The following POLR1A variants were observed in gnomAD, a reference collection of about 807,000 sequenced individuals.
POLR1A encodes RNA polymerase I subunit A, also known as DNA-directed RNA polymerase I subunit RPA1.
In POLR1A, 84 loss-of-function variants were observed where a neutral mutation model predicts 205.3. The observed-to-expected ratio is 0.41, with a 90% confidence interval of 0.34 to 0.49. The LOEUF (loss-of-function observed/expected upper bound fraction) is 0.49, where lower values mean the gene tolerates loss of function less well. POLR1A is among the 20% of genes least tolerant of loss of function. The pLI, the probability that POLR1A is intolerant of heterozygous loss-of-function variation, is 0.22. For synonymous variants in POLR1A, 799 were observed against 863.7 expected, an observed-to-expected ratio of 0.93 and a Z score of 1.31; for missense variants, 1,645 against 2,204.5, an observed-to-expected ratio of 0.75 and a Z score of 5.08.
At position 86,052,964 on chromosome 2, in the gene POLR1A, G is replaced by A; in HGVS notation, c.2245C>T (p.Leu749=). 1 of 1,604,092 alleles carries A rather than the reference G, an allele frequency of 6.2e-7. No individual in the cohort carries two copies. Among genetic ancestry groups the A allele is most frequent in the African/African-American group, 1.3e-5 (1 of 74,438 alleles). Residue 749 remains leucine, a synonymous_variant, in exon 16 of 34, where the codon CTG becomes TTG. Transcript: ENST00000263857. Reference sequence around the variant, plus strand: ...GAGCTCCCATAGTGCGCCTTGTCCAGCACTCCGCAGAGCAGCTCCCCTTCC... The same window carrying A: ...GAGCTCCCATAGTGCGCCTTGTCCAACACTCCGCAGAGCAGCTCCCCTTCC... ...IREGELLCGV[L]DKAHYGSSAY...
At chr2:86,074,977 C>G in intron 12 of POLR1A, 53 bp downstream of exon 12, 1 of 1,284,778 alleles carries the variant, frequency 7.8e-7, no homozygotes. Flanking sequence ...CACCAATCAC[C>G]AGAATCCGAA....
intron 19 of POLR1A, among the ~76,000 whole-genome samples, chr2:86,046,077 G>A (rs1435314416): frequency 6.6e-6 from 1 of 152,158 alleles, no homozygotes; most frequent in East Asian, 1.9e-4. Context: ...GGTCCTGATG[G>A]GGAAAGAGAG....
At chr2:86,052,341 G>T (rs1007312068) in intron 16 of POLR1A, among the ~76,000 whole-genome samples, 9 of 152,218 alleles carry the variant, frequency 5.9e-5, no homozygotes, top group African/African-American at 1.7e-4. Flanking sequence ...GAATGGGGTT[G>T]TAAGAGTATG....
Position 86,088,593 on chromosome 2 carries a change from C to G in POLR1A, c.703G>C (p.Ala235Pro), listed in dbSNP as rs768380509. 1 of 1,614,000 alleles carries G rather than the reference C, an allele frequency of 6.2e-7. No individual in the cohort carries two copies. The highest frequency in any genetic ancestry group is 8.5e-7 in the Non-Finnish European group (1 of 1,179,820). The change falls in exon 6 of 34, where the codon GCT becomes CCT. Residue 235 changes from alanine to proline, a missense_variant. This residue lies in a region of POLR1A where 330 missense variants were observed against 375.6 expected (regional missense o/e 0.88). Coordinates refer to ENST00000263857, the MANE Select transcript of POLR1A (RefSeq NM_015425.6). The stretch of plus-strand genomic sequence containing the variant: ...AGGGGCTCAGAGTCCTTCTGGCCAG[C>G]TGTCCTGTGCACCATGGCTGGAAAC... ...ITFPAMVHRTAGQKDSEPLGI... is the reference protein window; with the variant it reads ...ITFPAMVHRTPGQKDSEPLGI...
chr2:86,097,064 T>A (rs1302876010), intron 3 of POLR1A, among the ~76,000 whole-genome samples: 1 of 151,714 alleles, frequency 6.6e-6, no homozygotes, highest in Non-Finnish European at 1.5e-5. Context: ...GCAAATGATC[T>A]GAACAAACAT....
chr2:86,037,255 C>A (rs1672517025), intron 27 of POLR1A, among the ~76,000 whole-genome samples: 1 of 152,280 alleles, frequency 6.6e-6, no homozygotes, highest in Non-Finnish European at 1.5e-5. Flanking sequence ...TCAGCCCAGG[C>A]TGGCACCAAC....
At position 86,033,779 on chromosome 2, in the gene POLR1A, T is replaced by A. The variant is rs1251881625; in HGVS notation, c.4043A>T (p.Lys1348Ile). 6 of 1,613,954 alleles carry A rather than the reference T, an allele frequency of 3.7e-6. No homozygotes were observed. Among genetic ancestry groups the A allele is most frequent in the Non-Finnish European group, 5.1e-6 (6 of 1,179,992 alleles). ...ILRFMETRFFKLLMESIKKKN... is the reference protein window; with the variant it reads ...ILRFMETRFFILLMESIKKKN... ...CTTTTTGATGGATTCCATCAGAAGT[T>A]TAAAGAATCTAAAACAAGAAGAAAG... is the stretch of plus-strand genomic sequence containing the variant. The change falls in exon 28 of 34, where the codon AAA becomes ATA. Residue 1348 changes from lysine (K) to isoleucine (I), a missense_variant. Lys to Ile is a moderately radical substitution (Grantham distance 102, BLOSUM62 -3). Around this residue, in one of 16 missense-constraint regions of POLR1A, gnomAD observed 394 missense variants for 468.5 expected, o/e 0.84. Coordinates refer to ENST00000263857, the MANE Select transcript of POLR1A (RefSeq NM_015425.6).
intron 14 of POLR1A, among the ~76,000 whole-genome samples, chr2:86,062,038 T>C (rs570030193): frequency 6.6e-6 from 1 of 152,138 alleles, no homozygotes; most frequent in African/African-American, 2.4e-5. Flanking sequence ...AAATAGAAAA[T>C]CAATCAAGAG....
chr2:86,028,526 C>T lies in POLR1A; in HGVS notation c.4897+68G>A. Reference sequence around the variant, plus strand: ...GCTGGACCGACACGGTCCTGACCCTCCTGCCGAGCCTTCTGGTGTCCTGGC... The same window carrying T: ...GCTGGACCGACACGGTCCTGACCCTTCTGCCGAGCCTTCTGGTGTCCTGGC... On this transcript the variant is annotated intron_variant, in intron 32 of 33. Coordinates refer to ENST00000263857, the MANE Select transcript of POLR1A (RefSeq NM_015425.6). This position sits in a 1 kb window ranked among gnomAD's most constrained non-coding sequence, Gnocchi z 4.5. 8.8e-7 allele frequency: 1 copy of T among 1,130,220 alleles called. No individual in the cohort carries two copies. Among genetic ancestry groups the T allele is most frequent in the Non-Finnish European group, 1.4e-6 (1 of 739,978 alleles). The allele number at this position is 1,130,220 out of a possible 1,614,324, so 70.0% of individuals were successfully genotyped here.
intron 18 of POLR1A, 80 bp downstream of exon 18, chr2:86,048,804 C>T: frequency 7.6e-7 from 1 of 1,309,922 alleles, no homozygotes. Context: ...CTGTAGGGCC[C>T]AGGTGAGAAT....
rs143971936 is a variant in POLR1A, at chr2:86,065,905, C to A, written c.1867-440G>T. 2.0e-5 allele frequency among the ~76,000 whole-genome samples: 3 copies of A among 152,246 alleles called. No individual in the cohort carries two copies. The East Asian group carries it at 5.8e-4, about 29-fold the overall frequency. ...TTCTGTAAATCAGTCATGCACTCAACAAATATTTATCAGGAGCCTCCTGAA... is the reference window on the plus strand; with the variant it reads ...TTCTGTAAATCAGTCATGCACTCAAAAAATATTTATCAGGAGCCTCCTGAA... On this transcript the variant is annotated intron_variant, in intron 13 of 33. Coordinates refer to ENST00000263857, the MANE Select transcript of POLR1A (RefSeq NM_015425.6).
chr2:86,062,009 TGA>T (rs1219513629), intron 14 of POLR1A, among the ~76,000 whole-genome samples: 1 of 152,148 alleles, frequency 6.6e-6, no homozygotes, highest in African/African-American at 2.4e-5. Flanking sequence ...GAACAAATAA[TGA>T]GAGACCTTCG....
chr2:86,074,183 G>A (rs1038514579), intron 12 of POLR1A, among the ~76,000 whole-genome samples: 2 of 152,130 alleles, frequency 1.3e-5, no homozygotes, highest in African/African-American at 4.8e-5. Flanking sequence ...TTTTCCTCTC[G>A]GTTCCTCCAA....
rs75323994 is a variant in POLR1A, at chr2:86,086,882, G to A, written c.730+1684C>T. Among the ~76,000 whole-genome samples, 125 of 152,290 alleles carry A rather than the reference G, an allele frequency of 8.2e-4. 1 individual carries two copies. In the East Asian group the frequency reaches 0.015, roughly 18 times the overall value. ...GGGCTACAGAAGCAATTCCCAACTG[G>A]TAATACAAGAAAATTGTTTTGAGGG... On this transcript the variant is annotated intron_variant, in intron 6 of 33. Coordinates refer to ENST00000263857, the MANE Select transcript of POLR1A (RefSeq NM_015425.6).
At chr2:86,041,292 G>T (rs969667759) in intron 24 of POLR1A, among the ~76,000 whole-genome samples, 4 of 150,280 alleles carry the variant, frequency 2.7e-5, no homozygotes, top group Admixed American at 2.0e-4. Context: ...CTGTGTGTGT[G>T]TGTGTGTGTC....
intron 16 of POLR1A, among the ~76,000 whole-genome samples, chr2:86,051,364 G>A (rs1319133658): frequency 1.4e-5 from 2 of 144,962 alleles, no homozygotes; most frequent in African/African-American, 2.7e-5. Flanking sequence ...CTTCATGTAT[G>A]CTTTTTTTTT....
At chr2:86,095,851 C>T (rs938027149) in intron 3 of POLR1A, among the ~76,000 whole-genome samples, 10 of 151,898 alleles carry the variant, frequency 6.6e-5, no homozygotes, top group African/African-American at 1.2e-4. Flanking sequence ...CCTCAGCCTC[C>T]GGAGTAGCTG....
At chr2:86,069,913 C>T (rs536657285) in intron 13 of POLR1A, 105 bp downstream of exon 13, 1 of 1,283,834 alleles carries the variant, frequency 7.8e-7, no homozygotes, top group East Asian at 2.5e-5. Flanking sequence ...TCCAGGCGCC[C>T]CTGTCCTGGA....
intron 27 of POLR1A, 44 bp downstream of exon 27, chr2:86,038,656 T>C: frequency 6.2e-7 from 1 of 1,600,496 alleles, no homozygotes; most frequent in South Asian, 1.1e-5. Flanking sequence ...TTCAAGCGCA[T>C]TCTCTGGGTC....
Sources: allele counts gnomAD v4.1 joint callset (sites outside exome capture counted in the v4.1 genomes callset), GRCh38; gene constraint gnomAD v4.1.1; regional missense constraint gnomAD v4.1.1; non-coding constraint Gnocchi (gnomAD v3.1); transcripts MANE v1.5; gene names NCBI Gene and HGNC (gene_info 2026-07-23, HGNC 2026-07-21).